The following CSMD1 variants were observed in gnomAD, a reference collection of about 807,000 sequenced individuals.
CSMD1 encodes the protein CUB and Sushi multiple domains 1.
A neutral mutation model predicts 417.5 loss-of-function variants in CSMD1; 213 were observed. The ratio of observed to expected loss-of-function variants is 0.51; its 90% CI spans 0.46 to 0.57. The LOEUF is 0.57. Ranked by LOEUF, CSMD1 falls within the 20% of genes least tolerant of loss-of-function variation. The pLI is 0.00. For missense variants in CSMD1, 6,923 were observed against 4,529.7 expected, an observed-to-expected ratio of 1.53 and a Z score of -15.17; for synonymous variants, 2,862 against 1,736.8, an observed-to-expected ratio of 1.65 and a Z score of -16.11.
At chr8:3,193,087 C>A (rs528233604) in intron 33 of CSMD1, among the ~76,000 whole-genome samples, 2 of 152,226 alleles carry the variant, frequency 1.3e-5, no homozygotes, top group East Asian at 3.9e-4. Flanking sequence ...TAAGAGGCTT[C>A]AGGTATTGCA....
At chr8:4,024,899 G>C (rs980030552) in intron 4 of CSMD1, among the ~76,000 whole-genome samples, 3 of 151,866 alleles carry the variant, frequency 2.0e-5, no homozygotes, top group Non-Finnish European at 2.9e-5. Flanking sequence ...TTCCATCATA[G>C]AATAAATGAA....
chr8:4,950,063 A>G (rs1442203335), intron 1 of CSMD1, among the ~76,000 whole-genome samples: 1 of 152,050 alleles, frequency 6.6e-6, no homozygotes, highest in Admixed American at 6.6e-5. Context: ...CCTAGAAATA[A>G]TACCTAGAAA....
At chr8:3,097,870 G>A (rs1009832367) in intron 46 of CSMD1, among the ~76,000 whole-genome samples, 1 of 152,176 alleles carries the variant, frequency 6.6e-6, no homozygotes, top group Admixed American at 6.6e-5. Context: ...TCCCACATGG[G>A]ACATCTCAGC....
chr8:3,000,199 T>G (rs1807277045), intron 52 of CSMD1, 68 bp from the exon 53 acceptor site: 1 of 1,177,870 alleles, frequency 8.5e-7, no homozygotes, highest in African/African-American at 1.5e-5. Context: ...CATTCACAAC[T>G]TTTATTATCA....
intron 2 of CSMD1, among the ~76,000 whole-genome samples, chr8:4,458,935 A>G (rs977618855): frequency 4.6e-5 from 7 of 152,322 alleles, no homozygotes; most frequent in African/African-American, 1.7e-4. Flanking sequence ...CTGGAAGTGC[A>G]TTAAGCTTGT....
intron 3 of CSMD1, among the ~76,000 whole-genome samples, chr8:4,383,651 C>G (rs74620244): frequency 1.3e-5 from 2 of 152,056 alleles, no homozygotes; most frequent in Non-Finnish European, 2.9e-5. Context: ...CTTCAGTGTT[C>G]AGAGAAATAT....
chr8:4,869,435 C>G (rs1472872309), intron 1 of CSMD1, among the ~76,000 whole-genome samples: 1 of 151,972 alleles, frequency 6.6e-6, no homozygotes, highest in South Asian at 2.1e-4. Context: ...ATTTGGTAAT[C>G]ACTAAATTTT....
chr8:3,494,515 G>C (rs558705775), intron 10 of CSMD1, among the ~76,000 whole-genome samples: 87 of 152,098 alleles, frequency 5.7e-4, no homozygotes, highest in African/African-American at 1.9e-3. Flanking sequence ...TGATAGATTA[G>C]ATGGATGGTA....
At chr8:3,654,495 G>C (rs1798006901) in intron 7 of CSMD1, among the ~76,000 whole-genome samples, 1 of 152,106 alleles carries the variant, frequency 6.6e-6, no homozygotes, top group South Asian at 2.1e-4. Context: ...ATCAAGAGGA[G>C]AGATACCTAA....
At chr8:4,119,359 A>C (rs1413367484) in intron 3 of CSMD1, among the ~76,000 whole-genome samples, 1 of 152,218 alleles carries the variant, frequency 6.6e-6, no homozygotes, top group Non-Finnish European at 1.5e-5. Context: ...ATGCTAAGTG[A>C]ACATTTTTTA....
chr8:3,850,809 C>G (rs909099631), intron 5 of CSMD1, among the ~76,000 whole-genome samples: 1 of 152,110 alleles, frequency 6.6e-6, no homozygotes. Flanking sequence ...GTCAAAGGAA[C>G]AAAGCTCAAA....
intron 25 of CSMD1, among the ~76,000 whole-genome samples, chr8:3,301,315 C>T (rs115118860): frequency 0.021 from 3,194 of 151,970 alleles, 100 homozygotes; most frequent in African/African-American, 0.072. Flanking sequence ...AGGTGGTGGG[C>T]AGGGAGGAGA....
chr8:3,617,435 C>G (rs998187618), intron 7 of CSMD1, among the ~76,000 whole-genome samples: 1 of 152,128 alleles, frequency 6.6e-6, no homozygotes, highest in African/African-American at 2.4e-5. Context: ...TTCATTTCAT[C>G]CTGTATAATT....
At chr8:4,138,787 C>A (rs924651122) in intron 3 of CSMD1, among the ~76,000 whole-genome samples, 2 of 152,112 alleles carry the variant, frequency 1.3e-5, no homozygotes, top group Non-Finnish European at 2.9e-5. Flanking sequence ...ACACTATGAA[C>A]AGTGGCTTTC....
At chr8:4,514,134 A>C (rs1376706852) in intron 2 of CSMD1, among the ~76,000 whole-genome samples, 1 of 152,186 alleles carries the variant, frequency 6.6e-6, no homozygotes, top group Non-Finnish European at 1.5e-5. Context: ...AGATTCACAC[A>C]GAGTGAGCTC....
intron 2 of CSMD1, among the ~76,000 whole-genome samples, chr8:4,534,086 C>G (rs1585215169): frequency 1.3e-5 from 2 of 152,134 alleles, no homozygotes; most frequent in East Asian, 3.8e-4. Context: ...ATTATCTCAA[C>G]AGATTATGTA....
intron 23 of CSMD1, among the ~76,000 whole-genome samples, chr8:3,329,021 G>C (rs1279075735): frequency 6.6e-6 from 1 of 152,138 alleles, no homozygotes; most frequent in African/African-American, 2.4e-5. Flanking sequence ...ACCTAGGGCT[G>C]AAAAAATTTA....
chr8:3,893,508 T>C (rs778485969), intron 5 of CSMD1, among the ~76,000 whole-genome samples: 1 of 151,822 alleles, frequency 6.6e-6, no homozygotes, highest in Admixed American at 6.6e-5. Flanking sequence ...TTACAATTTT[T>C]GTTTTACAAA....
intron 1 of CSMD1, among the ~76,000 whole-genome samples, chr8:4,728,692 G>C (rs755014399): frequency 6.6e-6 from 1 of 151,790 alleles, no homozygotes. Context: ...CTTCCACATT[G>C]TTTTACATAT....
Sources: gnomAD v4.1 joint callset for allele counts (sites outside exome capture counted in the v4.1 genomes callset) on GRCh38, gnomAD v4.1.1 for gene constraint, MANE v1.5 for transcripts, NCBI Gene and HGNC (gene_info 2026-07-23, HGNC 2026-07-21) for gene names.